EVI5: variants seen among roughly 807,000 people sequenced by gnomAD.
The protein encoded by EVI5 is ecotropic viral integration site 5 protein homolog.
In EVI5, 73 loss-of-function variants were observed where a neutral mutation model predicts 112.0. The ratio of observed to expected loss-of-function variants is 0.65; its 90% CI spans 0.54 to 0.79. The LOEUF (loss-of-function observed/expected upper bound fraction) is 0.79, where lower values mean the gene tolerates loss of function less well. EVI5 is among the 30% of genes least tolerant of loss of function. The pLI is 0.00. For missense variants in EVI5, 900 were observed against 968.8 expected (o/e 0.93, Z 0.94); for synonymous variants, 305 against 319.9 (o/e 0.95, Z 0.50).
At chr1:92,570,092 A>G (rs1226607439) in intron 18 of EVI5, among the ~76,000 whole-genome samples, 1 of 152,078 alleles carries the variant, frequency 6.6e-6, no homozygotes, top group African/African-American at 2.4e-5. Context: ...AGAATGTAGA[A>G]ATAAGGGGAA....
intron 19 of EVI5, among the ~76,000 whole-genome samples, chr1:92,539,192 T>C (rs1179177070): frequency 1.3e-5 from 2 of 152,086 alleles, no homozygotes; most frequent in Admixed American, 6.6e-5. Flanking sequence ...CACAAGATAA[T>C]TGAGGGATGG....
rs1666337657 is a variant in EVI5, at chr1:92,549,166, T to C, written c.2166+14476A>G. ...AAAACAGAGATATAGATCAATGGAA[T>C]AGAACAGAGGCCTCAGAAATAATGC... is the stretch of plus-strand genomic sequence containing the variant. On this transcript the variant is annotated intron_variant, in intron 19 of 19. Transcript: ENST00000684568. 2.0e-5 allele frequency among the ~76,000 whole-genome samples: 3 copies of C among 152,048 alleles called. No individual in the cohort carries two copies. In the South Asian group the frequency reaches 6.2e-4, roughly 32 times the overall value.
chr1:92,757,614 A>C (rs1174168645), intron 1 of EVI5, among the ~76,000 whole-genome samples: 2 of 152,036 alleles, frequency 1.3e-5, no homozygotes, highest in Non-Finnish European at 2.9e-5. Context: ...AAGAAAAAAA[A>C]AATCAGGCCA....
At chr1:92,591,500 CAA>C in intron 18 of EVI5, among the ~76,000 whole-genome samples, 1 of 152,046 alleles carries the variant, frequency 6.6e-6, no homozygotes, top group East Asian at 1.9e-4. Context: ...CAACAAAGAT[CAA>C]AAGAGACAAA....
chr1:92,715,069 G>A (rs762678007), intron 2 of EVI5, among the ~76,000 whole-genome samples: 11 of 151,654 alleles, frequency 7.3e-5, no homozygotes, highest in African/African-American at 1.7e-4. Flanking sequence ...GCAGTGGCAC[G>A]ATCTCGGCTC....
chr1:92,562,166 A>G (rs1324945205), intron 19 of EVI5, among the ~76,000 whole-genome samples: 1 of 152,192 alleles, frequency 6.6e-6, no homozygotes, highest in Non-Finnish European at 1.5e-5. Context: ...TGGGGTTCTC[A>G]AAAGAATAAA....
chr1:92,523,734 G>C (rs1451456984), intron 19 of EVI5, among the ~76,000 whole-genome samples: 1 of 152,098 alleles, frequency 6.6e-6, no homozygotes, highest in Non-Finnish European at 1.5e-5. Flanking sequence ...TATTAGAGAT[G>C]TTAAGAGTAC....
At chr1:92,765,625 T>C (rs569027413) in intron 1 of EVI5, among the ~76,000 whole-genome samples, 2 of 152,178 alleles carry the variant, frequency 1.3e-5, no homozygotes, top group South Asian at 2.1e-4. Flanking sequence ...AGGCATCAAT[T>C]CTTTTTATAA....
At chr1:92,645,197 A>G (rs1269038971) in intron 13 of EVI5, among the ~76,000 whole-genome samples, 1 of 152,158 alleles carries the variant, frequency 6.6e-6, no homozygotes, top group East Asian at 1.9e-4. Flanking sequence ...AACACATACA[A>G]TCTTAAATAA....
chr1:92,688,178 A>T (rs1415146935), intron 9 of EVI5, among the ~76,000 whole-genome samples: 1 of 152,194 alleles, frequency 6.6e-6, no homozygotes, highest in Non-Finnish European at 1.5e-5. Context: ...TGTGGCGCAT[A>T]TACACCATGG....
At chr1:92,734,503 CT>C (rs1274816228) in intron 2 of EVI5, among the ~76,000 whole-genome samples, 9 of 151,874 alleles carry the variant, frequency 5.9e-5, no homozygotes, top group Non-Finnish European at 1.2e-4. Flanking sequence ...CGGAGTCTCA[CT>C]CTGTCGCCCA....
intron 13 of EVI5, among the ~76,000 whole-genome samples, chr1:92,651,234 T>C (rs1008555564): frequency 1.1e-4 from 16 of 152,190 alleles, no homozygotes; most frequent in African/African-American, 3.6e-4. Context: ...TTAACACATA[T>C]AGGACTAAGG....
chr1:92,532,349 C>A (rs1663012032), intron 19 of EVI5, among the ~76,000 whole-genome samples: 1 of 152,108 alleles, frequency 6.6e-6, no homozygotes, highest in South Asian at 2.1e-4. Context: ...GAATTTAACA[C>A]CCCACTGTCA....
intron 19 of EVI5, among the ~76,000 whole-genome samples, chr1:92,549,147 G>A (rs1666332729): frequency 1.4e-5 from 2 of 148,076 alleles, no homozygotes; most frequent in African/African-American, 4.9e-5. Flanking sequence ...TACCAAAACA[G>A]AGATATAGAT....
At chr1:92,663,999 C>G (rs1572176853) in intron 11 of EVI5, among the ~76,000 whole-genome samples, 1 of 152,236 alleles carries the variant, frequency 6.6e-6, no homozygotes, top group East Asian at 1.9e-4. Context: ...CCTCTTGTCT[C>G]AGCCTCCCGA....
intron 7 of EVI5, 141 bp downstream of exon 7, chr1:92,695,169 A>G: frequency 1.7e-6 from 1 of 603,070 alleles, no homozygotes; most frequent in Non-Finnish European, 2.9e-6. Context: ...GGGTTATTAT[A>G]AGGTTTAAAT....
intron 14 of EVI5, among the ~76,000 whole-genome samples, chr1:92,631,609 C>A (rs188156331): frequency 0.015 from 2,284 of 152,090 alleles, 31 homozygotes; most frequent in Non-Finnish European, 0.02. Flanking sequence ...CTAGATATAC[C>A]ATCATGTCAT....
At chr1:92,595,987 G>A (rs1293246728) in intron 18 of EVI5, among the ~76,000 whole-genome samples, 1 of 152,060 alleles carries the variant, frequency 6.6e-6, no homozygotes, top group Non-Finnish European at 1.5e-5. Flanking sequence ...TCAAAAGTGG[G>A]TTTTCATACA....
chr1:92,622,889 A>C (rs1298902719), intron 16 of EVI5, among the ~76,000 whole-genome samples: 1 of 151,956 alleles, frequency 6.6e-6, no homozygotes, highest in Non-Finnish European at 1.5e-5. Flanking sequence ...TTCCTATCTA[A>C]CTCTCTACTT....
Sources: gnomAD v4.1 joint callset for allele counts (sites outside exome capture counted in the v4.1 genomes callset) on GRCh38, gnomAD v4.1.1 for gene constraint, MANE v1.5 for transcripts, NCBI Gene and HGNC (gene_info 2026-07-23, HGNC 2026-07-21) for gene names.